Variants in FA2H observed in about 807,000 individuals in gnomAD.
The protein encoded by FA2H is fatty acid alpha-hydroxylase.
In FA2H, 22 loss-of-function variants were observed where a neutral mutation model predicts 44.9. That is an observed-to-expected ratio of 0.49 (90% CI 0.35 to 0.70). The LOEUF is 0.70. Ranked by LOEUF, FA2H falls within the 30% of genes least tolerant of loss-of-function variation. The pLI is 0.01. For missense variants in FA2H, 501 were observed against 504.9 expected (o/e 0.99, Z 0.07); for synonymous variants, 243 against 213.2 (o/e 1.14, Z -1.22).
intron 1 of FA2H, among the ~76,000 whole-genome samples, chr16:74,744,740 C>T (rs554754595): frequency 6.6e-6 from 1 of 152,266 alleles, no homozygotes; most frequent in East Asian, 1.9e-4. Context: ...GTGTGCACCA[C>T]CATGTCCACC....
chr16:74,726,621 A>T (rs1182586069), intron 3 of FA2H, among the ~76,000 whole-genome samples: 1 of 152,202 alleles, frequency 6.6e-6, no homozygotes, highest in Non-Finnish European at 1.5e-5. Flanking sequence ...TCCTGACCTC[A>T]GGTGATCCAC....
At chr16:74,725,399 T>G (rs1051890380) in intron 4 of FA2H, among the ~76,000 whole-genome samples, 2 of 152,168 alleles carry the variant, frequency 1.3e-5, no homozygotes, top group Non-Finnish European at 2.9e-5. Context: ...GGCAAGATGC[T>G]TGTGGGGCTG....
At chr16:74,751,258 C>T (rs1434683054) in intron 1 of FA2H, among the ~76,000 whole-genome samples, 1 of 151,964 alleles carries the variant, frequency 6.6e-6, no homozygotes, top group Non-Finnish European at 1.5e-5. Flanking sequence ...CCATGCCTGA[C>T]TAATTTTTTG....
In FA2H at chr16:74,713,732, G is replaced by T. The variant is rs1055892227; in HGVS notation, c.*458C>A. On this transcript the variant is annotated 3_prime_UTR_variant, in exon 7 of 7. Transcript: ENST00000219368. ...GAGCCACCAAAGCCTCCCCAGAAGG[G>T]ACAGCAGGGAGGACAGGGACCACAG... The T allele has an allele frequency of 5.8e-6, 1 of 171,774 alleles. No homozygotes were observed. Among genetic ancestry groups the T allele is most frequent in the African/African-American group, 2.4e-5 (1 of 42,248 alleles). The allele number at this position is 171,774 out of a possible 1,614,324, so 10.6% of individuals were successfully genotyped here.
rs536663095 is a variant in FA2H, at chr16:74,736,861, G to T, written c.363+3162C>A. On this transcript the variant is annotated intron_variant, in intron 2 of 6. Coordinates refer to ENST00000219368, the MANE Select transcript of FA2H (RefSeq NM_024306.5). ...GGTTCCAGGACCTTGTGGAGGGGAGGGGCCGCTATCTGGGCTGCTAGTGTG... is the reference window on the plus strand; with the variant it reads ...GGTTCCAGGACCTTGTGGAGGGGAGTGGCCGCTATCTGGGCTGCTAGTGTG... 3.3e-5 allele frequency among the ~76,000 whole-genome samples: 5 copies of T among 152,296 alleles called. No homozygotes were observed. The South Asian group carries it at 8.3e-4, about 25-fold the overall frequency.
chr16:74,730,725 T>C (rs887843607), intron 2 of FA2H, among the ~76,000 whole-genome samples: 12 of 152,182 alleles, frequency 7.9e-5, no homozygotes, highest in African/African-American at 2.9e-4. Context: ...CCAGCTACAG[T>C]AGCACTCAGA....
chr16:74,746,553 A>T (rs1297456999), intron 1 of FA2H, among the ~76,000 whole-genome samples: 1 of 152,026 alleles, frequency 6.6e-6, no homozygotes, highest in Non-Finnish European at 1.5e-5. Flanking sequence ...GGAAAAATAT[A>T]TTTTTATGTA....
chr16:74,768,155 T>C (rs972844852), intron 1 of FA2H, among the ~76,000 whole-genome samples: 1 of 152,230 alleles, frequency 6.6e-6, no homozygotes, highest in Non-Finnish European at 1.5e-5. Flanking sequence ...TCAGTCTGGG[T>C]TATTTCCCGG....
chr16:74,752,110 C>A (rs946556674), intron 1 of FA2H, among the ~76,000 whole-genome samples: 2 of 152,136 alleles, frequency 1.3e-5, no homozygotes, highest in South Asian at 2.1e-4. Flanking sequence ...TCCATGTCCA[C>A]GACAATTTCA....
chr16:74,762,885 T>G (rs1046698069), intron 1 of FA2H, among the ~76,000 whole-genome samples: 2 of 152,194 alleles, frequency 1.3e-5, no homozygotes, highest in Admixed American at 1.3e-4. Flanking sequence ...CTCTTCTACT[T>G]GGGTCTAAGG....
chr16:74,733,208 C>T (rs555289456), intron 2 of FA2H, among the ~76,000 whole-genome samples: 1 of 152,324 alleles, frequency 6.6e-6, no homozygotes, highest in East Asian at 1.9e-4. Flanking sequence ...CCCAGGGAGG[C>T]CTCGCTCTCC....
intron 4 of FA2H, among the ~76,000 whole-genome samples, chr16:74,721,868 T>A (rs1445010508): frequency 1.3e-5 from 2 of 152,198 alleles, no homozygotes; most frequent in African/African-American, 4.8e-5. Context: ...AGGGAAGAGG[T>A]GTGCACCGGC....
chr16:74,745,231 C>G (rs1005782992), intron 1 of FA2H, among the ~76,000 whole-genome samples: 3 of 152,168 alleles, frequency 2.0e-5, no homozygotes, highest in African/African-American at 7.2e-5. Context: ...CCTGATACCG[C>G]ATTTACCTGT....
At chr16:74,736,414 G>A (rs904486796) in intron 2 of FA2H, among the ~76,000 whole-genome samples, 5 of 152,186 alleles carry the variant, frequency 3.3e-5, no homozygotes, top group Admixed American at 2.0e-4. Flanking sequence ...TGGTCCCCCC[G>A]AGAGTGTGTT....
chr16:74,723,788 C>T (rs1283689273), intron 4 of FA2H, among the ~76,000 whole-genome samples: 1 of 152,170 alleles, frequency 6.6e-6, no homozygotes, highest in East Asian at 1.9e-4. Flanking sequence ...CTAGGTGTTA[C>T]AGTTTCCTCA....
rs575567297 is a variant in FA2H, at chr16:74,742,345, G to C, written c.271-2230C>G. 2.2e-4 allele frequency among the ~76,000 whole-genome samples: 33 copies of C among 152,278 alleles called. No homozygotes were observed. In the South Asian group the frequency reaches 6.4e-3, roughly 30 times the overall value. On this transcript the variant is annotated intron_variant, in intron 1 of 6. Coordinates refer to ENST00000219368, the MANE Select transcript of FA2H (RefSeq NM_024306.5). The stretch of plus-strand genomic sequence containing the variant: ...GGAAATACGGCTGTCTGCCTGAGGG[G>C]GTGGGCCAGGACACAAAACATGCAT...
Position 74,769,276 on chromosome 16 carries a change from T to C in FA2H, c.270+5210A>G, listed in dbSNP as rs572440356. On this transcript the variant is annotated intron_variant, in intron 1 of 6. Transcript: ENST00000219368. ...CCTGGCTAATTTTTGTAATTTTTTC[T>C]TGTAGAGATAGTTTTTCACCATGTT... 1.6e-3 allele frequency among the ~76,000 whole-genome samples: 246 copies of C among 152,042 alleles called. 1 individual carries two copies. The highest frequency in any genetic ancestry group is 2.6e-3 in the Non-Finnish European group (178 of 67,976).
rs1961982366 is a variant in FA2H at position 74,727,353 on chromosome 16, G to C, written c.397C>G (p.Gln133Glu). 6.2e-7 allele frequency: 1 copy of C among 1,614,144 alleles called. No homozygotes were observed. The highest frequency in any genetic ancestry group is 8.5e-7 in the Non-Finnish European group (1 of 1,180,058). The part of the protein sequence containing the change: ...LVDWRKPLLW[Q>E]VGHLGEKYDE... ...TACTTCTCTCCCAAGTGGCCCACCT[G>C]CCACAGGAGAGGCTTTCGCCAGTCC... The change falls in exon 3 of 7, where the codon CAG becomes GAG. Residue 133 changes from glutamine (Q) to glutamate (E), a missense_variant. Physicochemically the swap from Gln to Glu is conservative, Grantham distance 29 (BLOSUM62 2). Transcript: ENST00000219368.
chr16:74,748,669 G>C (rs1014572974), intron 1 of FA2H, among the ~76,000 whole-genome samples: 1 of 152,124 alleles, frequency 6.6e-6, no homozygotes, highest in Non-Finnish European at 1.5e-5. Context: ...GACGGCGCAC[G>C]GGGGAGAGAA....
Sources: gnomAD v4.1 joint callset for allele counts (sites outside exome capture counted in the v4.1 genomes callset) on GRCh38, gnomAD v4.1.1 for gene constraint, MANE v1.5 for transcripts, NCBI Gene and HGNC (gene_info 2026-07-23, HGNC 2026-07-21) for gene names.